Variants in CNTN5 observed in about 807,000 individuals in gnomAD.
The protein encoded by CNTN5 is contactin 5, also known as contactin-5.
A neutral mutation model predicts 129.1 loss-of-function variants in CNTN5; 77 were observed. The ratio of observed to expected loss-of-function variants is 0.60; its 90% CI spans 0.50 to 0.72. The LOEUF is 0.72. CNTN5 is among the 30% of genes least tolerant of loss of function. CNTN5 has a pLI of 0.00. For synonymous variants in CNTN5, 509 were observed against 465.6 expected (o/e 1.09, Z -1.20); for missense variants, 1,478 against 1,328.8 (o/e 1.11, Z -1.75).
chr11:99,444,218 G>A (rs1008288185), intron 2 of CNTN5, among the ~76,000 whole-genome samples: 1 of 151,980 alleles, frequency 6.6e-6, no homozygotes, highest in Non-Finnish European at 1.5e-5. Context: ...GAGAGAGAGA[G>A]AGAAAGAGAG....
intron 16 of CNTN5, among the ~76,000 whole-genome samples, chr11:100,236,320 C>G (rs562659735): frequency 6.6e-6 from 1 of 152,276 alleles, no homozygotes; most frequent in East Asian, 1.9e-4. Context: ...GGCCTTCCAT[C>G]TGACCGAGGA....
At chr11:100,179,135 C>G (rs1056874230) in intron 13 of CNTN5, among the ~76,000 whole-genome samples, 46 of 152,032 alleles carry the variant, frequency 3.0e-4, no homozygotes, top group African/African-American at 1.1e-3. Flanking sequence ...CTGTAGTTAT[C>G]CTGTTGTGCT....
chr11:99,721,293 T>A (rs1426318667), intron 3 of CNTN5, among the ~76,000 whole-genome samples: 1 of 151,620 alleles, frequency 6.6e-6, no homozygotes, highest in Non-Finnish European at 1.5e-5. Context: ...AACAGGCACA[T>A]AGAGCAACAG....
chr11:99,228,865 G>A (rs1860831980), intron 1 of CNTN5, among the ~76,000 whole-genome samples: 1 of 151,596 alleles, frequency 6.6e-6, no homozygotes, highest in East Asian at 1.9e-4. Context: ...TTTAATGATG[G>A]CATTTTGTGC....
At position 99,176,206 on chromosome 11, in the gene CNTN5, A is replaced by G. The variant is rs183989561; in HGVS notation, c.-209-149140A>G. Among the ~76,000 whole-genome samples, 634 of 152,242 alleles carry G rather than the reference A, an allele frequency of 4.2e-3. 4 individuals are homozygous for G. Among genetic ancestry groups the G allele is most frequent in the Non-Finnish European group, 3.7e-3 (255 of 68,006 alleles). The stretch of plus-strand genomic sequence containing the variant: ...TGTCGTGTTTCTTTTTTCCTACAAC[A>G]TGAGCCATTCTTTTTTTTTCTTCCT... On this transcript the variant is annotated intron_variant, in intron 1 of 24. Transcript: ENST00000524871.
intron 20 of CNTN5, among the ~76,000 whole-genome samples, chr11:100,305,127 G>A (rs1264987631): frequency 2.6e-5 from 4 of 151,566 alleles, no homozygotes; most frequent in Admixed American, 2.0e-4. Context: ...CTTTCTTTAT[G>A]CCAATTTAAA....
At chr11:99,584,752 T>C (rs1949736203) in intron 3 of CNTN5, among the ~76,000 whole-genome samples, 1 of 152,210 alleles carries the variant, frequency 6.6e-6, no homozygotes, top group Non-Finnish European at 1.5e-5. Flanking sequence ...TCTGCTTTCA[T>C]TTGAGATTGT....
chr11:99,329,354 CA>C (rs1375798597), intron 2 of CNTN5, among the ~76,000 whole-genome samples: 1 of 152,110 alleles, frequency 6.6e-6, no homozygotes, highest in Admixed American at 6.6e-5. Context: ...ACTTGCTCAG[CA>C]AATGTTAACA....
At chr11:99,659,346 C>A (rs1794716738) in intron 3 of CNTN5, among the ~76,000 whole-genome samples, 2 of 152,082 alleles carry the variant, frequency 1.3e-5, no homozygotes, top group Admixed American at 1.3e-4. Flanking sequence ...GGTTTTCTAT[C>A]TTTGGATACC....
At chr11:99,357,150 G>GGTCAAGGATGTTGTTTGACAAACT in intron 2 of CNTN5, among the ~76,000 whole-genome samples, 1 of 151,770 alleles carries the variant, frequency 6.6e-6, no homozygotes. Context: ...ATGCTTCGCT[G>GGTCAAGGATGTTGTTTGACAAACT]GTCAAGGATG....
chr11:99,465,201 T>A (rs146660839), intron 2 of CNTN5, among the ~76,000 whole-genome samples: 7 of 152,332 alleles, frequency 4.6e-5, no homozygotes, highest in African/African-American at 1.7e-4. Context: ...AATAAATACT[T>A]CACCTATTTG....
intron 1 of CNTN5, among the ~76,000 whole-genome samples, chr11:99,213,413 T>G (rs539268239): frequency 1.5e-5 from 2 of 130,784 alleles, no homozygotes; most frequent in Admixed American, 1.6e-4. Context: ...CACATATATG[T>G]ATATACATAT....
chr11:99,144,198 T>C (rs1859668145), intron 1 of CNTN5, among the ~76,000 whole-genome samples: 1 of 152,226 alleles, frequency 6.6e-6, no homozygotes, highest in Non-Finnish European at 1.5e-5. Flanking sequence ...CATCATTTAT[T>C]CATTGTTTTG....
At chr11:99,037,008 GAA>G (rs1377493888) in intron 1 of CNTN5, among the ~76,000 whole-genome samples, 1 of 151,942 alleles carries the variant, frequency 6.6e-6, no homozygotes, top group Non-Finnish European at 1.5e-5. Context: ...GCATATCTGT[GAA>G]AACATAGAGA....
rs149319541 is a variant in CNTN5 at position 99,479,654 on chromosome 11, A to G, written c.-70-76491A>G. 9.0e-3 allele frequency among the ~76,000 whole-genome samples: 1,373 copies of G among 152,222 alleles called. 23 individuals are homozygous for G. Among genetic ancestry groups the G allele is most frequent in the African/African-American group, 0.032 (1,327 of 41,576 alleles). ...TAAAATACCACTTTTAATGGGTTAAATGTTTTGAAATCTTCTCTTAAAGTT... is the reference window on the plus strand; with the variant it reads ...TAAAATACCACTTTTAATGGGTTAAGTGTTTTGAAATCTTCTCTTAAAGTT... On this transcript the variant is annotated intron_variant, in intron 2 of 24. Coordinates refer to ENST00000524871, the MANE Select transcript of CNTN5 (RefSeq NM_014361.4).
In CNTN5 at chr11:100,070,061, G is replaced by A. The variant is rs770131104; in HGVS notation, c.1163-363G>A. Among the ~76,000 whole-genome samples, 8 of 151,316 alleles carry A rather than the reference G, an allele frequency of 5.3e-5. No homozygotes were observed. The South Asian group carries it at 6.3e-4, about 12-fold the overall frequency. ...GTAGATACACTGTATATTTCTACCCGTGCTAATGCTGCCCCACTACATTGA... is the reference window on the plus strand; with the variant it reads ...GTAGATACACTGTATATTTCTACCCATGCTAATGCTGCCCCACTACATTGA... On this transcript the variant is annotated intron_variant, in intron 10 of 24. Transcript: ENST00000524871.
chr11:99,484,423 G>C (rs1010513232), intron 2 of CNTN5, among the ~76,000 whole-genome samples: 7 of 152,264 alleles, frequency 4.6e-5, no homozygotes, highest in African/African-American at 1.7e-4. Flanking sequence ...CTCATACACT[G>C]TTGATGGGAA....
intron 3 of CNTN5, among the ~76,000 whole-genome samples, chr11:99,749,488 A>G (rs756801682): frequency 6.6e-6 from 1 of 152,222 alleles, no homozygotes; most frequent in African/African-American, 2.4e-5. Flanking sequence ...GAAATATTTT[A>G]AAATCAAATA....
At chr11:99,965,491 G>A (rs1951069683) in intron 8 of CNTN5, among the ~76,000 whole-genome samples, 1 of 152,120 alleles carries the variant, frequency 6.6e-6, no homozygotes, top group South Asian at 2.1e-4. Flanking sequence ...TCTTAATCCT[G>A]AGTTCTAGTT....
Sources: gnomAD v4.1 joint callset for allele counts (sites outside exome capture counted in the v4.1 genomes callset) on GRCh38, gnomAD v4.1.1 for gene constraint, MANE v1.5 for transcripts, NCBI Gene and HGNC (gene_info 2026-07-23, HGNC 2026-07-21) for gene names.